Variants in CFH observed in about 807,000 individuals in gnomAD.
CFH encodes complement factor H, also known as H factor 1 (complement).
CFH carries 53 observed loss-of-function variants against 147.3 expected under a neutral mutation model. That is an observed-to-expected ratio of 0.36 (90% confidence interval 0.29 to 0.45). The LOEUF (loss-of-function observed/expected upper bound fraction) is 0.45. CFH is among the 20% of genes least tolerant of loss of function. CFH has a pLI of 1.00. For missense variants in CFH, 1,380 were observed against 1,498.0 expected (o/e 0.92, Z 1.30); for synonymous variants, 536 against 489.4 (o/e 1.10, Z -1.26).
chr1:196,743,258 C>T (rs397832272), intron 19 of CFH, among the ~76,000 whole-genome samples, 194 bp from the exon 20 acceptor site: 1 of 133,930 alleles, frequency 7.5e-6, no homozygotes, highest in Non-Finnish European at 1.6e-5. Context: ...AAAACATCAA[C>T]GCTTGTACCT....
rs768287264 is a variant in CFH, at chr1:196,715,551, A to G, written c.1520-42A>G. 4 of 1,438,452 alleles carry G rather than the reference A, an allele frequency of 2.8e-6. No individual in the cohort carries two copies. In the Admixed American group the frequency reaches 6.7e-5, roughly 24 times the overall value. 89.1% of individuals were successfully genotyped at this position (1,438,452 alleles called of 1,614,324 possible). On this transcript the variant is annotated intron_variant, in intron 10 of 21. Coordinates refer to ENST00000367429, the MANE Select transcript of CFH (RefSeq NM_000186.4). ...ATGGGAAATACTCAGATTGTTTATT[A>G]GATGACATTAGAAATGACATTCTAA...
intron 10 of CFH, among the ~76,000 whole-genome samples, chr1:196,714,668 TAGAGAGAGAGAGAGAGAGAGAGAG>T (rs1205328020): frequency 9.4e-5 from 2 of 21,312 alleles, no homozygotes; most frequent in African/African-American, 1.7e-4. Flanking sequence ...TATATATATA[TAGAGAGAGAGAGAGAGAGAGAGAG>T]AGAGAGAGAG....
intron 7 of CFH, among the ~76,000 whole-genome samples, chr1:196,688,757 C>T (rs1046326025): frequency 4.6e-5 from 7 of 152,076 alleles, no homozygotes; most frequent in South Asian, 2.1e-4. Flanking sequence ...ATTACAGGGG[C>T]GCACCACCAG....
In CFH at chr1:196,728,370, A is replaced by G. The variant is rs1182368289; in HGVS notation, c.2261A>G (p.Lys754Arg). ...GCAATAGATAAACTTAAGAAGTGCA[A>G]ATCATCAAATTTAATTATACTTGAG... ...CVAIDKLKKCKSSNLIILEEH... is the reference protein window; with the variant it reads ...CVAIDKLKKCRSSNLIILEEH... Residue 754 changes from lysine (K) to arginine (R), a missense_variant, in exon 15 of 22, where the codon AAA becomes AGA. Around this residue, in one of 4 missense-constraint regions of CFH, gnomAD observed 830 missense variants for 821.4 expected, o/e 1.01. Transcript: ENST00000367429. The G allele has an allele frequency of 5.1e-6, 8 of 1,556,626 alleles. No individual in the cohort carries two copies. The highest frequency in any genetic ancestry group is 1.4e-5 in the African/African-American group (1 of 72,660).
intron 20 of CFH, among the ~76,000 whole-genome samples, chr1:196,744,750 T>C (rs192531925): frequency 6.6e-5 from 10 of 152,328 alleles, no homozygotes; most frequent in Admixed American, 6.5e-4. Flanking sequence ...GATATCCTGT[T>C]ATATTGACTC....
At chr1:196,669,567 T>C (rs1174075457) in intron 1 of CFH, among the ~76,000 whole-genome samples, 1 of 152,182 alleles carries the variant, frequency 6.6e-6, no homozygotes, top group Non-Finnish European at 1.5e-5. Flanking sequence ...TTGCTTCAGA[T>C]AATGAAAGCC....
intron 9 of CFH, among the ~76,000 whole-genome samples, chr1:196,712,714 C>T (rs1358475847): frequency 6.6e-6 from 1 of 150,708 alleles, no homozygotes; most frequent in Non-Finnish European, 1.5e-5. Flanking sequence ...GTGCTGCACC[C>T]ATTAACTCGT....
At chr1:196,670,662 C>T (rs1380748036) in intron 1 of CFH, among the ~76,000 whole-genome samples, 1 of 152,138 alleles carries the variant, frequency 6.6e-6, no homozygotes, top group Non-Finnish European at 1.5e-5. Context: ...TATCTCTTTT[C>T]TTTATAAATT....
intron 9 of CFH, among the ~76,000 whole-genome samples, chr1:196,696,404 G>A (rs1668274040): frequency 6.6e-6 from 1 of 152,132 alleles, no homozygotes; most frequent in Admixed American, 6.6e-5. Flanking sequence ...TAAGTTCCTT[G>A]AAACCAATGA....
At chr1:196,729,204 C>T (rs980839502) in intron 15 of CFH, among the ~76,000 whole-genome samples, 2 of 152,000 alleles carry the variant, frequency 1.3e-5, no homozygotes, top group Admixed American at 6.6e-5. Flanking sequence ...ACAACCAATA[C>T]AAAAACTAAT....
chr1:196,693,955 G>GGTGT (rs71567586), intron 9 of CFH, among the ~76,000 whole-genome samples: 29,170 of 142,514 alleles, frequency 0.2, 3,325 homozygotes, highest in East Asian at 0.43. Context: ...TTAGATAAAT[G>GGTGT]GTGTGTGTGT....
intron 9 of CFH, among the ~76,000 whole-genome samples, chr1:196,702,962 C>A (rs1342202283): frequency 6.6e-6 from 1 of 151,992 alleles, no homozygotes; most frequent in Non-Finnish European, 1.5e-5. Flanking sequence ...CCCAGAAGCC[C>A]CAGAAAATTT....
chr1:196,719,670 T>C (rs1668953397), intron 11 of CFH, among the ~76,000 whole-genome samples: 1 of 151,762 alleles, frequency 6.6e-6, no homozygotes, highest in South Asian at 2.1e-4. Context: ...AAAAATAATA[T>C]TTTGGATAAT....
chr1:196,673,551 T>G, intron 2 of CFH: 1 of 387,944 alleles, frequency 2.6e-6, no homozygotes. Flanking sequence ...CTGGGCAGGC[T>G]GGTCTCGAAC....
intron 9 of CFH, among the ~76,000 whole-genome samples, chr1:196,712,403 T>C (rs1165283200): frequency 6.6e-6 from 1 of 151,368 alleles, no homozygotes; most frequent in East Asian, 1.9e-4. Flanking sequence ...TATTCTTTTC[T>C]TTTATAGCTA....
chr1:196,718,756 G>A (rs1668930156), intron 11 of CFH, among the ~76,000 whole-genome samples: 1 of 152,066 alleles, frequency 6.6e-6, no homozygotes, highest in African/African-American at 2.4e-5. Context: ...ACCTAAAGGA[G>A]AGAAAGTTGG....
At chr1:196,718,948 A>G (rs192421940) in intron 11 of CFH, among the ~76,000 whole-genome samples, 31 of 152,240 alleles carry the variant, frequency 2.0e-4, no homozygotes, top group Admixed American at 2.6e-4. Flanking sequence ...CAGCCATGTA[A>G]CAGAAAACTG....
intron 11 of CFH, among the ~76,000 whole-genome samples, chr1:196,721,327 G>C (rs1668993996): frequency 1.3e-5 from 2 of 151,634 alleles, no homozygotes; most frequent in Admixed American, 1.3e-4. Context: ...CCCAGAAGCA[G>C]GTCATTTAAT....
In CFH at chr1:196,655,467, T is replaced by C. The variant is rs564742087; in HGVS notation, c.58+3292T>C. 2.6e-5 allele frequency among the ~76,000 whole-genome samples: 4 copies of C among 152,364 alleles called. No homozygotes were observed. The South Asian group carries it at 6.2e-4, about 24-fold the overall frequency. ...TAAAAATGAAATATCTAAGTATTGC[T>C]AACTAAAATTATTCTTAGGTAGAAG... On this transcript the variant is annotated intron_variant, in intron 1 of 21. Coordinates refer to ENST00000367429, the MANE Select transcript of CFH (RefSeq NM_000186.4).
Sources: gnomAD v4.1 joint callset for allele counts (sites outside exome capture counted in the v4.1 genomes callset) on GRCh38, gnomAD v4.1.1 for gene constraint, gnomAD v4.1.1 regional missense constraint, MANE v1.5 for transcripts, NCBI Gene and HGNC (gene_info 2026-07-23, HGNC 2026-07-21) for gene names.